Variants in MDGA2 observed in about 807,000 individuals in gnomAD.
The protein encoded by MDGA2 is MAM domain containing glycosylphosphatidylinositol anchor 2.
A neutral mutation model predicts 117.8 loss-of-function variants in MDGA2; 40 were observed. The ratio of observed to expected loss-of-function variants is 0.34; its 90% CI spans 0.26 to 0.44. MDGA2 has a LOEUF of 0.44. MDGA2 is among the 20% of genes least tolerant of loss of function. The pLI is 1.00. For missense variants in MDGA2, 1,123 were observed against 1,250.6 expected (o/e 0.90, Z 1.54); for synonymous variants, 452 against 439.0 (o/e 1.03, Z -0.37).
chr14:47,441,459 T>A (rs1893009666), intron 1 of MDGA2, among the ~76,000 whole-genome samples: 1 of 152,124 alleles, frequency 6.6e-6, no homozygotes, highest in Non-Finnish European at 1.5e-5. Flanking sequence ...GTCAAATAAG[T>A]GACGGAAGTA....
chr14:46,949,879 T>C (rs1885307083), intron 9 of MDGA2, among the ~76,000 whole-genome samples: 1 of 151,888 alleles, frequency 6.6e-6, no homozygotes, highest in Non-Finnish European at 1.5e-5. Context: ...AGTAGTGGGA[T>C]GGCAGGGTTG....
chr14:46,865,655 C>G (rs895962698), intron 14 of MDGA2, among the ~76,000 whole-genome samples: 2 of 151,868 alleles, frequency 1.3e-5, no homozygotes, highest in African/African-American at 4.8e-5. Context: ...TTGTCTCAGC[C>G]CAAAATCTCC....
intron 1 of MDGA2, among the ~76,000 whole-genome samples, chr14:47,645,458 T>A (rs1897510086): frequency 6.6e-6 from 1 of 151,556 alleles, no homozygotes; most frequent in African/African-American, 2.4e-5. Context: ...ATGGTCTCCA[T>A]CTCCTGACCT....
At chr14:47,356,940 T>C (rs763777186) in intron 1 of MDGA2, among the ~76,000 whole-genome samples, 2 of 152,208 alleles carry the variant, frequency 1.3e-5, no homozygotes, top group Non-Finnish European at 2.9e-5. Flanking sequence ...TATTGCAGAC[T>C]ATCATATAGC....
intron 1 of MDGA2, among the ~76,000 whole-genome samples, chr14:47,331,814 T>C (rs1188737372): frequency 1.3e-5 from 2 of 152,038 alleles, no homozygotes; most frequent in Non-Finnish European, 2.9e-5. Context: ...ATTAAATTTA[T>C]GTATTAGTGA....
At chr14:47,033,706 G>C (rs1888742397) in intron 8 of MDGA2, among the ~76,000 whole-genome samples, 1 of 152,068 alleles carries the variant, frequency 6.6e-6, no homozygotes, top group African/African-American at 2.4e-5. Context: ...TTAGAAATCA[G>C]CCAGGTTATT....
At chr14:47,654,881 C>T (rs921363740) in intron 1 of MDGA2, among the ~76,000 whole-genome samples, 15 of 151,986 alleles carry the variant, frequency 9.9e-5, no homozygotes, top group Admixed American at 4.6e-4. Flanking sequence ...ATTCTAAGGA[C>T]GCTAGATTAA....
intron 1 of MDGA2, among the ~76,000 whole-genome samples, chr14:47,510,853 T>C (rs747120061): frequency 6.6e-6 from 1 of 152,222 alleles, no homozygotes; most frequent in Non-Finnish European, 1.5e-5. Context: ...ACTTTGCAGT[T>C]GTCATTTACT....
intron 3 of MDGA2, among the ~76,000 whole-genome samples, chr14:47,165,829 T>G (rs1883847332): frequency 6.6e-6 from 1 of 152,172 alleles, no homozygotes; most frequent in Non-Finnish European, 1.5e-5. Flanking sequence ...TTTTGGCTCT[T>G]GTAATAAACC....
intron 1 of MDGA2, among the ~76,000 whole-genome samples, chr14:47,310,131 C>T (rs572373610): frequency 6.6e-6 from 1 of 152,184 alleles, no homozygotes; most frequent in South Asian, 2.1e-4. Flanking sequence ...ACATTGGCAG[C>T]TTCAGATTTC....
At chr14:47,119,353 C>A (rs1881531022) in intron 5 of MDGA2, among the ~76,000 whole-genome samples, 1 of 152,158 alleles carries the variant, frequency 6.6e-6, no homozygotes, top group Non-Finnish European at 1.5e-5. Context: ...GCGTGAGCCA[C>A]CGGGCCCGGC....
chr14:47,518,045 G>A (rs1258537563), intron 1 of MDGA2, among the ~76,000 whole-genome samples: 1 of 152,118 alleles, frequency 6.6e-6, no homozygotes, highest in East Asian at 1.9e-4. Context: ...GAAATAAAGA[G>A]ATTTTTATAT....
At chr14:47,329,002 T>G (rs1719598020) in intron 1 of MDGA2, among the ~76,000 whole-genome samples, 1 of 152,174 alleles carries the variant, frequency 6.6e-6, no homozygotes, top group Non-Finnish European at 1.5e-5. Context: ...TAAACTTAAT[T>G]GCCTATTTAA....
intron 1 of MDGA2, among the ~76,000 whole-genome samples, chr14:47,359,686 G>A (rs1891071998): frequency 1.3e-5 from 2 of 148,912 alleles, no homozygotes; most frequent in Non-Finnish European, 3.0e-5. Context: ...GAGAGGTGGA[G>A]GTTGCAGTGA....
chr14:47,556,321 A>C (rs1950392), intron 1 of MDGA2, among the ~76,000 whole-genome samples: 111,678 of 152,126 alleles, frequency 0.73, 41,629 homozygotes, highest in East Asian at 1. Context: ...TGCCTCTTCA[A>C]TTCTCTCCAG....
chr14:47,586,855 C>T (rs1896333849), intron 1 of MDGA2, among the ~76,000 whole-genome samples: 1 of 136,510 alleles, frequency 7.3e-6, no homozygotes, highest in Admixed American at 7.9e-5. Flanking sequence ...TTGCTCTGTC[C>T]AAGCACTCTT....
chr14:47,075,369 A>C (rs1352061311), intron 6 of MDGA2, among the ~76,000 whole-genome samples: 2 of 152,196 alleles, frequency 1.3e-5, no homozygotes, highest in African/African-American at 4.8e-5. Flanking sequence ...GGTTGGTGAC[A>C]TGGAAGATAC....
chr14:47,621,362 AT>A (rs922155821), intron 1 of MDGA2, among the ~76,000 whole-genome samples: 14 of 149,706 alleles, frequency 9.4e-5, no homozygotes, highest in South Asian at 2.1e-4. Context: ...TTAAAAAAAA[AT>A]TTTTTTTTTA....
intron 9 of MDGA2, among the ~76,000 whole-genome samples, chr14:46,926,306 C>T (rs1191398648): frequency 3.3e-5 from 5 of 151,924 alleles, no homozygotes; most frequent in Non-Finnish European, 7.4e-5. Context: ...CCACAAAAGA[C>T]ACACTTGCAA....
Sources: gnomAD v4.1 joint callset for allele counts (sites outside exome capture counted in the v4.1 genomes callset) on GRCh38, gnomAD v4.1.1 for gene constraint, MANE v1.5 for transcripts, NCBI Gene and HGNC (gene_info 2026-07-23, HGNC 2026-07-21) for gene names.